The following ATXN10 variants were observed in gnomAD, a reference collection of about 807,000 sequenced individuals.
ATXN10 encodes ataxin-10.
In ATXN10, 28 loss-of-function variants were observed where a neutral mutation model predicts 52.9. The observed-to-expected ratio is 0.53, with a 90% CI of 0.39 to 0.73. The LOEUF (loss-of-function observed/expected upper bound fraction) is 0.73, where lower values mean the gene tolerates loss of function less well. ATXN10 is among the 30% of genes least tolerant of loss of function. The pLI is 0.00. For synonymous variants in ATXN10, 226 were observed against 221.5 expected, an observed-to-expected ratio of 1.02 and a Z score of -0.18; for missense variants, 565 against 577.0, an observed-to-expected ratio of 0.98 and a Z score of 0.21.
In ATXN10 at chr22:45,727,503, C is replaced by T. The variant is rs536125917; in HGVS notation, c.729-1922C>T. ...CCTCCTGAGTAGCTGGATTACAGGC[C>T]CCTGCCACCACGGCTGGCTAGTTGT... On this transcript the variant is annotated intron_variant, in intron 6 of 11. Coordinates refer to ENST00000252934, the MANE Select transcript of ATXN10 (RefSeq NM_013236.4). The surrounding 1 kb of genome is among the most constrained non-coding windows in gnomAD (Gnocchi z 4.6). Among the ~76,000 whole-genome samples, 1 of 152,068 alleles carries T rather than the reference C, an allele frequency of 6.6e-6. No homozygotes were observed. Among genetic ancestry groups the T allele is most frequent in the South Asian group, 2.1e-4 (1 of 4,812 alleles).
At chr22:45,694,952 A>C (rs1262863102) in intron 3 of ATXN10, among the ~76,000 whole-genome samples, 48 of 150,278 alleles carry the variant, frequency 3.2e-4, no homozygotes, top group Non-Finnish European at 1.2e-4. Context: ...AAAAAAAAAA[A>C]AAAAAAAAAA....
chr22:45,713,476 A>C (rs1469554875), intron 5 of ATXN10, among the ~76,000 whole-genome samples: 5 of 152,202 alleles, frequency 3.3e-5, no homozygotes, highest in Non-Finnish European at 5.9e-5. Flanking sequence ...GGAGTTCCTT[A>C]GGCGAACTTA....
intron 10 of ATXN10, among the ~76,000 whole-genome samples, chr22:45,815,042 T>G (rs1199433683): frequency 6.6e-6 from 1 of 152,164 alleles, no homozygotes; most frequent in African/African-American, 2.4e-5. Context: ...CGTGCAAGAA[T>G]GCTCACAGCA....
At chr22:45,768,212 A>G (rs1926654685) in intron 9 of ATXN10, among the ~76,000 whole-genome samples, 1 of 152,114 alleles carries the variant, frequency 6.6e-6, no homozygotes, top group Admixed American at 6.5e-5. Context: ...TCTATAAGGA[A>G]CCAGGGCTCC....
chr22:45,726,832 C>T (rs1335754578), intron 6 of ATXN10, among the ~76,000 whole-genome samples: 1 of 152,112 alleles, frequency 6.6e-6, no homozygotes, highest in African/African-American at 2.4e-5. Flanking sequence ...CAGGCATGCA[C>T]CACCATGCCT....
rs932040353 is a variant in ATXN10 at position 45,840,097 on chromosome 22, A to G, written c.1238-2894A>G. ...AACAGTCATAGCTTACATAATTTCA[A>G]TAAGGCCAGACACGGTGGCTGTAGT... is the stretch of plus-strand genomic sequence containing the variant. On this transcript the variant is annotated intron_variant, in intron 10 of 11. Coordinates refer to ENST00000252934, the MANE Select transcript of ATXN10 (RefSeq NM_013236.4). This position sits in a 1 kb window ranked among gnomAD's most constrained non-coding sequence, Gnocchi z 5.8. Among the ~76,000 whole-genome samples the G allele has an allele frequency of 5.9e-5, 9 of 152,342 alleles. No individual in the cohort carries two copies. The highest frequency in any genetic ancestry group is 1.4e-4 in the African/African-American group (6 of 41,590).
rs1924516604 is a variant in ATXN10 at position 45,718,202 on chromosome 22, T to C, written c.648-211T>C. 6.6e-6 allele frequency among the ~76,000 whole-genome samples: 1 copy of C among 152,208 alleles called. No individual in the cohort carries two copies. The stretch of plus-strand genomic sequence containing the variant: ...TTCCATAAAGCTTTCAGAAGTAAAA[T>C]TGGAGAAAAATATTTTTAGGATTTT... On this transcript the variant is annotated intron_variant, in intron 5 of 11. Coordinates refer to ENST00000252934, the MANE Select transcript of ATXN10 (RefSeq NM_013236.4). The surrounding 1 kb of genome is among the most constrained non-coding windows in gnomAD (Gnocchi z 4.4).
intron 1 of ATXN10, chr22:45,676,863 TC>T (rs1215632370): frequency 1.3e-5 from 2 of 152,454 alleles, no homozygotes; most frequent in Admixed American, 1.3e-4. Context: ...CACTGCATCC[TC>T]GACTTCCTGG....
chr22:45,690,695 C>T lies in ATXN10; in HGVS notation c.308+792C>T, dbSNP rs1397496496. On this transcript the variant is annotated intron_variant, in intron 2 of 11. Coordinates refer to ENST00000252934, the MANE Select transcript of ATXN10 (RefSeq NM_013236.4). This position sits in a 1 kb window ranked among gnomAD's most constrained non-coding sequence, Gnocchi z 4.5. ...CATGTAAAGTTCCAAGCTCTGCTTCCACCTATTTTATGATGCGCACATTTT... is the reference window on the plus strand; with the variant it reads ...CATGTAAAGTTCCAAGCTCTGCTTCTACCTATTTTATGATGCGCACATTTT... Among the ~76,000 whole-genome samples the T allele has an allele frequency of 6.6e-6, 1 of 152,194 alleles. No homozygotes were observed. Among genetic ancestry groups the T allele is most frequent in the African/African-American group, 2.4e-5 (1 of 41,458 alleles).
At position 45,841,702 on chromosome 22, in the gene ATXN10, G is replaced by T. The variant is rs1369800858; in HGVS notation, c.1238-1289G>T. ...ATTTTTACTATTTTCTTTTGAGGCTGTTGAATTAGGGAGAGAAACTGTTGG... is the reference window on the plus strand; with the variant it reads ...ATTTTTACTATTTTCTTTTGAGGCTTTTGAATTAGGGAGAGAAACTGTTGG... On this transcript the variant is annotated intron_variant, in intron 10 of 11. Coordinates refer to ENST00000252934, the MANE Select transcript of ATXN10 (RefSeq NM_013236.4). This position sits in a 1 kb window ranked among gnomAD's most constrained non-coding sequence, Gnocchi z 5.1. Among the ~76,000 whole-genome samples the T allele has an allele frequency of 6.6e-6, 1 of 152,218 alleles. No homozygotes were observed. Among genetic ancestry groups the T allele is most frequent in the Non-Finnish European group, 1.5e-5 (1 of 68,030 alleles).
intron 6 of ATXN10, among the ~76,000 whole-genome samples, chr22:45,729,204 A>G (rs1213869695): frequency 1.3e-5 from 2 of 152,236 alleles, no homozygotes; most frequent in Non-Finnish European, 2.9e-5. Flanking sequence ...GCATTAAGCA[A>G]TTCTAGTTTC....
At chr22:45,689,659 T>C in intron 1 of ATXN10, 53 bp from the exon 2 acceptor site, 1 of 1,554,476 alleles carries the variant, frequency 6.4e-7, no homozygotes, top group Non-Finnish European at 8.9e-7. Context: ...AATAGGACAT[T>C]TGGAAATCAT....
intron 1 of ATXN10, 88 bp from the exon 2 acceptor site, chr22:45,689,624 A>G (rs1923290642): frequency 6.0e-6 from 7 of 1,172,204 alleles, no homozygotes; most frequent in Admixed American, 1.7e-5. Flanking sequence ...ACCTCCCCAC[A>G]ATAGTAGATA....
chr22:45,827,246 ATAATG>A (rs1175371475), intron 10 of ATXN10, among the ~76,000 whole-genome samples: 1 of 152,198 alleles, frequency 6.6e-6, no homozygotes, highest in Non-Finnish European at 1.5e-5. Context: ...AAAGAAGACA[ATAATG>A]TAAGAAATAA....
At chr22:45,767,908 A>G (rs969432673) in intron 9 of ATXN10, among the ~76,000 whole-genome samples, 1 of 151,612 alleles carries the variant, frequency 6.6e-6, no homozygotes, top group African/African-American at 2.4e-5. Flanking sequence ...CACTGTGTGT[A>G]TGTGTACACA....
Position 45,826,733 on chromosome 22 carries a change from A to G in ATXN10, c.1238-16258A>G, listed in dbSNP as rs1928826916. On this transcript the variant is annotated intron_variant, in intron 10 of 11. Transcript: ENST00000252934. This position sits in a 1 kb window ranked among gnomAD's most constrained non-coding sequence, Gnocchi z 5.0. ...GATAAATTAAGGCATTCACAGACGA[A>G]CAAAAGCTGATGGAGTTTGTTACCA... Among the ~76,000 whole-genome samples the G allele has an allele frequency of 6.6e-6, 1 of 152,260 alleles. No homozygotes were observed. The highest frequency in any genetic ancestry group is 1.5e-5 in the Non-Finnish European group (1 of 68,044).
At chr22:45,720,113 A>T (rs1383570693) in intron 6 of ATXN10, among the ~76,000 whole-genome samples, 1 of 152,182 alleles carries the variant, frequency 6.6e-6, no homozygotes, top group African/African-American at 2.4e-5. Flanking sequence ...CCTCAAGGTT[A>T]TACTCAGCTT....
chr22:45,739,533 C>T (rs1201031979), intron 8 of ATXN10, among the ~76,000 whole-genome samples: 7 of 152,182 alleles, frequency 4.6e-5, no homozygotes, highest in Non-Finnish European at 7.3e-5. Flanking sequence ...TAGAATTCCT[C>T]ATCAGTGTTG....
chr22:45,700,024 C>T (rs992409559), intron 3 of ATXN10, among the ~76,000 whole-genome samples: 4 of 151,928 alleles, frequency 2.6e-5, no homozygotes, highest in Non-Finnish European at 5.9e-5. Context: ...ATTGGCCAGG[C>T]TGGTCTTGAA....
Sources: gnomAD v4.1 joint callset for allele counts (sites outside exome capture counted in the v4.1 genomes callset) on GRCh38, gnomAD v4.1.1 for gene constraint, Gnocchi (gnomAD v3.1) non-coding constraint, MANE v1.5 for transcripts, NCBI Gene and HGNC (gene_info 2026-07-23, HGNC 2026-07-21) for gene names.